Variants in IL19 observed in about 807,000 individuals in gnomAD.
IL19 encodes interleukin 19, also known as interleukin-19.
A neutral mutation model predicts 19.5 loss-of-function variants in IL19; 15 were observed. That is an observed-to-expected ratio of 0.77 (90% confidence interval 0.52 to 1.19). The LOEUF is 1.19. Ranked by LOEUF, IL19 falls within the 50% of genes most tolerant of loss-of-function variation. The pLI is 0.00. For synonymous variants in IL19, 78 were observed against 78.3 expected (o/e 1.00, Z 0.02); for missense variants, 199 against 213.1 (o/e 0.93, Z 0.41).
chr1:206,841,010 C>T lies in IL19; in HGVS notation c.370C>T (p.Gln124Ter), dbSNP rs1558624745. The change falls in exon 6 of 7, where the codon CAG becomes TAG. Residue 124 changes from glutamine (Q) to a stop codon, truncating the protein, a stop_gained. Coordinates refer to ENST00000659997, the MANE Select transcript of IL19 (RefSeq NM_153758.5). LOFTEE classifies it high-confidence loss of function. ...MQKTLRQCQE[Q>*]RQCHCRQEAT... ...TTCCTCCACTTTATCACAGCAGGAA[C>T]AGAGGCAGTGTCACTGCAGGCAGGA... 1.2e-6 allele frequency: 2 copies of T among 1,613,806 alleles called. No individual in the cohort carries two copies. Among genetic ancestry groups the T allele is most frequent in the Non-Finnish European group, 1.7e-6 (2 of 1,179,684 alleles).
At chr1:206,807,952 T>TA (rs1675891896) in intron 2 of IL19, among the ~76,000 whole-genome samples, 1 of 152,228 alleles carries the variant, frequency 6.6e-6, no homozygotes, top group East Asian at 1.9e-4. Context: ...ACTATGATGT[T>TA]AAAAAATGGA....
At chr1:206,812,288 C>T (rs1372527850) in intron 2 of IL19, among the ~76,000 whole-genome samples, 1 of 152,178 alleles carries the variant, frequency 6.6e-6, no homozygotes, top group Non-Finnish European at 1.5e-5. Flanking sequence ...AGAATTTTTG[C>T]TTTTCATCCC....
At chr1:206,785,462 T>C (rs1340794012) in intron 1 of IL19, among the ~76,000 whole-genome samples, 2 of 152,102 alleles carry the variant, frequency 1.3e-5, no homozygotes, top group Non-Finnish European at 2.9e-5. Context: ...AATCCCTGGG[T>C]GGTTCTAATC....
chr1:206,808,792 C>T (rs1378023715), intron 2 of IL19, among the ~76,000 whole-genome samples: 3 of 152,086 alleles, frequency 2.0e-5, no homozygotes, highest in Non-Finnish European at 2.9e-5. Context: ...GAAAAGGCTC[C>T]CAGCCCATTT....
At position 206,839,917 on chromosome 1, in the gene IL19, A is replaced by C; in HGVS notation, c.278A>C (p.His93Pro). ...TACGTGGACAGGGTGTTCAAGGATC[A>C]TCAGGAGCCAAACCCCAAAATCTTG... ...AFYVDRVFKDHQEPNPKILRK... is the reference protein window; with the variant it reads ...AFYVDRVFKDPQEPNPKILRK... Residue 93 changes from histidine (H) to proline (P), a missense_variant, in exon 5 of 7, where the codon CAT (histidine) becomes CCT (proline). Coordinates refer to ENST00000659997, the MANE Select transcript of IL19 (RefSeq NM_153758.5). 1 of 1,614,154 alleles carries C rather than the reference A, an allele frequency of 6.2e-7. No homozygotes were observed. Among genetic ancestry groups the C allele is most frequent in the Non-Finnish European group, 8.5e-7 (1 of 1,179,992 alleles).
chr1:206,771,939 G>A (rs1279454725), intron 1 of IL19, among the ~76,000 whole-genome samples: 1 of 152,172 alleles, frequency 6.6e-6, no homozygotes, highest in African/African-American at 2.4e-5. Context: ...TGCAAGGCAT[G>A]GGGAGCATCT....
intron 2 of IL19, among the ~76,000 whole-genome samples, chr1:206,826,354 G>A (rs1286838815): frequency 6.6e-6 from 1 of 152,210 alleles, no homozygotes; most frequent in Admixed American, 6.5e-5. Context: ...AATCCTCTAG[G>A]AAAGGAAGTC....
chr1:206,790,532 T>G (rs1321854492), intron 1 of IL19, among the ~76,000 whole-genome samples: 2 of 152,156 alleles, frequency 1.3e-5, no homozygotes, highest in African/African-American at 4.8e-5. Context: ...TGAGTCTCAG[T>G]ATGGTTCATC....
At chr1:206,824,727 G>A (rs1205014761) in intron 2 of IL19, among the ~76,000 whole-genome samples, 1 of 152,188 alleles carries the variant, frequency 6.6e-6, no homozygotes. Context: ...AAGTTATAGA[G>A]CCAGCAAGTG....
chr1:206,813,399 C>A (rs1336592873), intron 2 of IL19, among the ~76,000 whole-genome samples: 3 of 152,082 alleles, frequency 2.0e-5, no homozygotes, highest in Non-Finnish European at 4.4e-5. Context: ...GCAGCTAAAT[C>A]TAGTTTTCAG....
intron 1 of IL19, among the ~76,000 whole-genome samples, chr1:206,788,526 C>CTT (rs34357557): frequency 0.13 from 19,210 of 149,606 alleles, 1,352 homozygotes; most frequent in Middle Eastern, 0.18. Flanking sequence ...TAATAATTAA[C>CTT]TTTTTTTTTT....
intron 1 of IL19, among the ~76,000 whole-genome samples, chr1:206,796,170 G>A (rs1007935309): frequency 6.6e-5 from 10 of 152,050 alleles, no homozygotes; most frequent in African/African-American, 2.4e-4. Flanking sequence ...TTCAGTCCAA[G>A]CAGTCAGGCA....
intron 2 of IL19, among the ~76,000 whole-genome samples, chr1:206,799,264 C>T (rs1675614837): frequency 2.0e-5 from 3 of 152,108 alleles, no homozygotes; most frequent in South Asian, 4.1e-4. Flanking sequence ...ACCATATCTG[C>T]ATACCCCTTC....
At chr1:206,796,423 G>C (rs1675524079) in intron 1 of IL19, among the ~76,000 whole-genome samples, 1 of 152,114 alleles carries the variant, frequency 6.6e-6, no homozygotes, top group Non-Finnish European at 1.5e-5. Context: ...CATTCTTTAC[G>C]AGGCTGGTGG....
At chr1:206,802,049 G>A (rs1007371896) in intron 2 of IL19, among the ~76,000 whole-genome samples, 5 of 152,150 alleles carry the variant, frequency 3.3e-5, no homozygotes, top group Admixed American at 1.3e-4. Context: ...GGGAAGGGGA[G>A]GCTGCAGCAC....
At chr1:206,832,336 T>C (rs1260365753) in intron 2 of IL19, among the ~76,000 whole-genome samples, 1 of 152,246 alleles carries the variant, frequency 6.6e-6, no homozygotes, top group Admixed American at 6.5e-5. Context: ...TTTATGGAGC[T>C]TCAGAAAGGC....
chr1:206,803,702 A>T (rs912221580), intron 2 of IL19, among the ~76,000 whole-genome samples: 1 of 152,172 alleles, frequency 6.6e-6, no homozygotes, highest in African/African-American at 2.4e-5. Context: ...CATAGGAGTG[A>T]TCTGCTTGCA....
At chr1:206,814,781 T>C (rs1676111122) in intron 2 of IL19, among the ~76,000 whole-genome samples, 1 of 151,762 alleles carries the variant, frequency 6.6e-6, no homozygotes, top group Non-Finnish European at 1.5e-5. Flanking sequence ...TGAATAGCAA[T>C]GTGAGTCCTA....
intron 2 of IL19, chr1:206,833,785 G>C: frequency 1.0e-6 from 1 of 985,582 alleles, no homozygotes; most frequent in Non-Finnish European, 1.2e-6. Context: ...AGGGGAAATA[G>C]ATGATGTGCA....
Sources: gnomAD v4.1 joint callset for allele counts (sites outside exome capture counted in the v4.1 genomes callset) on GRCh38, gnomAD v4.1.1 for gene constraint, MANE v1.5 for transcripts, NCBI Gene and HGNC (gene_info 2026-07-23, HGNC 2026-07-21) for gene names.